UBE2E2: variants seen among roughly 807,000 people sequenced by gnomAD.
UBE2E2 encodes ubiquitin-conjugating enzyme E2 E2.
In UBE2E2, 6 loss-of-function variants were observed where a neutral mutation model predicts 24.7. That is an observed-to-expected ratio of 0.24 (90% CI 0.13 to 0.48). The LOEUF (loss-of-function observed/expected upper bound fraction) is 0.48. Ranked by LOEUF, UBE2E2 falls within the 20% of genes least tolerant of loss-of-function variation. The probability of loss-of-function intolerance (pLI) is 0.99; values close to 1 mark genes in which losing one functional copy is unlikely to be tolerated. For synonymous variants in UBE2E2, 104 were observed against 83.6 expected, an observed-to-expected ratio of 1.24 and a Z score of -1.33; for missense variants, 169 against 245.0, an observed-to-expected ratio of 0.69 and a Z score of 2.07.
intron 5 of UBE2E2, among the ~76,000 whole-genome samples, chr3:23,584,329 G>A (rs1233585280): frequency 1.3e-5 from 2 of 152,024 alleles, no homozygotes; most frequent in African/African-American, 4.8e-5. Context: ...ATTTTGTTGA[G>A]GATTTTTGCA....
In UBE2E2 at chr3:23,251,671, A is replaced by G. The variant is rs566348849; in HGVS notation, c.227+34359A>G. 4.6e-5 allele frequency among the ~76,000 whole-genome samples: 7 copies of G among 152,342 alleles called. No homozygotes were observed. The South Asian group carries it at 1.5e-3, about 32-fold the overall frequency. On this transcript the variant is annotated intron_variant, in intron 3 of 5. Transcript: ENST00000396703. ...CATTATTAACTTCTGTTTAGAATTA[A>G]CATATTCAAACCATAAAGCATGTAT... is the stretch of plus-strand genomic sequence containing the variant.
chr3:23,394,675 C>G (rs891264261), intron 3 of UBE2E2, among the ~76,000 whole-genome samples: 2 of 152,158 alleles, frequency 1.3e-5, no homozygotes, highest in Non-Finnish European at 2.9e-5. Context: ...AGCTAAGAAT[C>G]TGAGCAGAAC....
intron 5 of UBE2E2, among the ~76,000 whole-genome samples, chr3:23,533,906 C>G (rs1199929089): frequency 6.6e-6 from 1 of 152,080 alleles, no homozygotes; most frequent in Non-Finnish European, 1.5e-5. Context: ...CAGGCATGAG[C>G]CACTGTACCC....
chr3:23,570,548 T>C (rs1013061450), intron 5 of UBE2E2, among the ~76,000 whole-genome samples: 1 of 152,196 alleles, frequency 6.6e-6, no homozygotes, highest in Non-Finnish European at 1.5e-5. Flanking sequence ...CAATGTATAA[T>C]AAATAATTTA....
In UBE2E2 at chr3:23,404,526, A is replaced by G. The variant is rs191131628; in HGVS notation, c.228-95082A>G. On this transcript the variant is annotated intron_variant, in intron 3 of 5. Transcript: ENST00000396703. The stretch of plus-strand genomic sequence containing the variant: ...CTGAGTTCATTTTTGTTGTTATTTG[A>G]TGAATATATCACTTGGCTGACTATT... 1.6e-3 allele frequency among the ~76,000 whole-genome samples: 243 copies of G among 152,270 alleles called. 1 individual carries two copies. Among genetic ancestry groups the G allele is most frequent in the South Asian group, 4.8e-3 (23 of 4,830 alleles).
intron 3 of UBE2E2, among the ~76,000 whole-genome samples, chr3:23,352,402 A>C (rs1346689365): frequency 6.6e-6 from 1 of 152,210 alleles, no homozygotes; most frequent in Non-Finnish European, 1.5e-5. Flanking sequence ...ACTGAAGGAA[A>C]TAGAGACACA....
intron 5 of UBE2E2, among the ~76,000 whole-genome samples, chr3:23,533,853 C>G (rs974096340): frequency 1.3e-5 from 2 of 152,086 alleles, no homozygotes; most frequent in Admixed American, 1.3e-4. Flanking sequence ...GAACTCCTGA[C>G]CTTGTGATCC....
intron 3 of UBE2E2, among the ~76,000 whole-genome samples, chr3:23,351,929 C>T (rs1465925362): frequency 6.6e-6 from 1 of 152,304 alleles, no homozygotes; most frequent in Non-Finnish European, 1.5e-5. Flanking sequence ...ACAGAATATA[C>T]ATTTTTTTCA....
At chr3:23,310,379 A>G (rs946521619) in intron 3 of UBE2E2, among the ~76,000 whole-genome samples, 13 of 151,710 alleles carry the variant, frequency 8.6e-5, no homozygotes, top group African/African-American at 2.9e-4. Context: ...CAGATTCAGA[A>G]GATTTATAAT....
At chr3:23,272,432 C>A (rs1206610161) in intron 3 of UBE2E2, among the ~76,000 whole-genome samples, 1 of 152,148 alleles carries the variant, frequency 6.6e-6, no homozygotes, top group African/African-American at 2.4e-5. Flanking sequence ...CATACTTGGC[C>A]AGCCCAGAGA....
At chr3:23,443,619 A>G (rs1698354574) in intron 3 of UBE2E2, among the ~76,000 whole-genome samples, 1 of 152,230 alleles carries the variant, frequency 6.6e-6, no homozygotes. Flanking sequence ...CAGATGCCAT[A>G]GAGTACAAGG....
At chr3:23,422,377 G>A (rs1697823543) in intron 3 of UBE2E2, among the ~76,000 whole-genome samples, 1 of 152,132 alleles carries the variant, frequency 6.6e-6, no homozygotes, top group Non-Finnish European at 1.5e-5. Flanking sequence ...CCATCTGAAG[G>A]AAGAATCTAC....
chr3:23,411,314 TAG>T (rs1168767976), intron 3 of UBE2E2, among the ~76,000 whole-genome samples: 2 of 152,172 alleles, frequency 1.3e-5, no homozygotes, highest in Non-Finnish European at 2.9e-5. Context: ...TGTAGGGGTC[TAG>T]AGACCTGTGC....
chr3:23,337,598 T>C (rs944270904), intron 3 of UBE2E2, among the ~76,000 whole-genome samples: 3 of 152,188 alleles, frequency 2.0e-5, no homozygotes, highest in South Asian at 2.1e-4. Context: ...AGGAATAATA[T>C]TTAAGTGAAG....
chr3:23,545,446 T>C (rs1695500357), intron 5 of UBE2E2, among the ~76,000 whole-genome samples: 2 of 152,184 alleles, frequency 1.3e-5, no homozygotes, highest in Admixed American at 1.3e-4. Context: ...CAACACTTAA[T>C]CCATTTAACC....
intron 3 of UBE2E2, among the ~76,000 whole-genome samples, chr3:23,461,465 GA>G (rs1245572336): frequency 4.1e-5 from 6 of 147,838 alleles, no homozygotes; most frequent in South Asian, 4.3e-4. Context: ...ATACATATTT[GA>G]AAAAAAAATA....
intron 5 of UBE2E2, among the ~76,000 whole-genome samples, chr3:23,566,934 G>A (rs1385447313): frequency 2.0e-5 from 3 of 152,274 alleles, no homozygotes; most frequent in African/African-American, 7.2e-5. Context: ...GAATCCTCAG[G>A]ACTTAGTTTC....
At chr3:23,454,038 A>G (rs536787604) in intron 3 of UBE2E2, among the ~76,000 whole-genome samples, 3 of 152,302 alleles carry the variant, frequency 2.0e-5, no homozygotes, top group Admixed American at 1.3e-4. Flanking sequence ...GTGTAAGATT[A>G]TGTTGCTAAA....
chr3:23,347,154 C>T (rs1282275192), intron 3 of UBE2E2, among the ~76,000 whole-genome samples: 4 of 152,178 alleles, frequency 2.6e-5, no homozygotes, highest in Non-Finnish European at 5.9e-5. Context: ...GGCGATTTCT[C>T]AAGGATCTAG....
Sources: gnomAD v4.1 joint callset for allele counts (sites outside exome capture counted in the v4.1 genomes callset) on GRCh38, gnomAD v4.1.1 for gene constraint, MANE v1.5 for transcripts, NCBI Gene and HGNC (gene_info 2026-07-23, HGNC 2026-07-21) for gene names.